STXBP5L: variants seen among roughly 807,000 people sequenced by gnomAD.
STXBP5L encodes the protein syntaxin binding protein 5L.
Under a neutral mutation model 144.5 loss-of-function variants are expected in STXBP5L, and 65 were observed. That is an observed-to-expected ratio of 0.45 (90% CI 0.37 to 0.55). STXBP5L has a LOEUF of 0.55. Among genes scored for constraint, STXBP5L ranks in the 20% least tolerant of loss-of-function variants. The probability of loss-of-function intolerance (pLI) is 0.00; values close to 1 mark genes in which losing one functional copy is unlikely to be tolerated. For missense variants in STXBP5L, 1,298 were observed against 1,405.5 expected (o/e 0.92, Z 1.22); for synonymous variants, 505 against 469.6 (o/e 1.08, Z -0.97).
intron 20 of STXBP5L, among the ~76,000 whole-genome samples, chr3:121,346,090 G>T (rs1311136358): frequency 6.6e-6 from 1 of 151,602 alleles, no homozygotes; most frequent in Non-Finnish European, 1.5e-5. Context: ...ATCTCCTAAT[G>T]CTATCCCTCT....
At chr3:121,327,989 C>G (rs1181655084) in intron 20 of STXBP5L, among the ~76,000 whole-genome samples, 1 of 152,124 alleles carries the variant, frequency 6.6e-6, no homozygotes, top group Non-Finnish European at 1.5e-5. Context: ...TGTGAGGATG[C>G]ACAATGTGAC....
At chr3:121,111,766 G>T (rs1299873442) in intron 5 of STXBP5L, among the ~76,000 whole-genome samples, 2 of 152,208 alleles carry the variant, frequency 1.3e-5, no homozygotes, top group Non-Finnish European at 2.9e-5. Flanking sequence ...GGGGTGCACT[G>T]TGGTGGGAGG....
chr3:121,103,907 A>T (rs555251267), intron 5 of STXBP5L, among the ~76,000 whole-genome samples: 2 of 152,198 alleles, frequency 1.3e-5, no homozygotes, highest in Non-Finnish European at 2.9e-5. Flanking sequence ...ATGTTTGGGT[A>T]TTTACTGCAG....
chr3:121,179,209 C>T (rs2047046981), intron 9 of STXBP5L, among the ~76,000 whole-genome samples: 1 of 151,956 alleles, frequency 6.6e-6, no homozygotes, highest in Admixed American at 6.6e-5. Context: ...GAGATCCCTG[C>T]CATTCCAATT....
chr3:121,171,029 G>A (rs966430178), intron 9 of STXBP5L, among the ~76,000 whole-genome samples: 20 of 152,132 alleles, frequency 1.3e-4, no homozygotes, highest in African/African-American at 4.3e-4. Context: ...AAGCAAGGCT[G>A]GTTCAACATA....
At chr3:121,216,335 T>C (rs542651648) in intron 10 of STXBP5L, among the ~76,000 whole-genome samples, 1 of 152,352 alleles carries the variant, frequency 6.6e-6, no homozygotes, top group South Asian at 2.1e-4. Context: ...TTATTTACCT[T>C]TGGTCTTGGT....
intron 3 of STXBP5L, among the ~76,000 whole-genome samples, chr3:121,001,072 T>G (rs907000175): frequency 6.6e-6 from 1 of 152,176 alleles, no homozygotes; most frequent in Non-Finnish European, 1.5e-5. Flanking sequence ...CAAAAGCCCT[T>G]TGTCAAGGTG....
chr3:121,004,027 A>G (rs900008537), intron 3 of STXBP5L, among the ~76,000 whole-genome samples: 2 of 152,058 alleles, frequency 1.3e-5, no homozygotes, highest in African/African-American at 2.4e-5. Flanking sequence ...TGACTTGGCA[A>G]TGCAGGCTCT....
intron 5 of STXBP5L, among the ~76,000 whole-genome samples, chr3:121,104,036 C>T (rs1257315054): frequency 1.3e-5 from 2 of 152,116 alleles, no homozygotes; most frequent in Non-Finnish European, 2.9e-5. Context: ...GTGTCTGTAG[C>T]ATCTACATGC....
chr3:121,186,779 A>C (rs941558210), intron 9 of STXBP5L, among the ~76,000 whole-genome samples: 8 of 152,178 alleles, frequency 5.3e-5, no homozygotes, highest in Non-Finnish European at 8.8e-5. Flanking sequence ...TTCTCAAAAG[A>C]AGACATTTAT....
At chr3:121,006,265 G>T (rs983349269) in intron 3 of STXBP5L, among the ~76,000 whole-genome samples, 1 of 152,186 alleles carries the variant, frequency 6.6e-6, no homozygotes, top group Non-Finnish European at 1.5e-5. Flanking sequence ...ATTTAGGATA[G>T]TTAGCTCTTC....
chr3:121,086,372 A>G (rs1258038129), intron 5 of STXBP5L, among the ~76,000 whole-genome samples: 2 of 152,136 alleles, frequency 1.3e-5, no homozygotes, highest in African/African-American at 4.8e-5. Context: ...GACTACATAT[A>G]AAAGAGGATA....
At chr3:121,096,820 G>C (rs966545102) in intron 5 of STXBP5L, among the ~76,000 whole-genome samples, 1 of 152,180 alleles carries the variant, frequency 6.6e-6, no homozygotes, top group Non-Finnish European at 1.5e-5. Context: ...GAGGTATGGA[G>C]GTCAGGGATC....
At chr3:121,346,065 T>C (rs2044955790) in intron 20 of STXBP5L, among the ~76,000 whole-genome samples, 2 of 151,872 alleles carry the variant, frequency 1.3e-5, no homozygotes, top group African/African-American at 2.4e-5. Flanking sequence ...TAACTCATCA[T>C]TTAGCATTAG....
chr3:121,313,397 C>CG (rs1189122168), intron 19 of STXBP5L, among the ~76,000 whole-genome samples: 104 of 123,404 alleles, frequency 8.4e-4, no homozygotes, highest in Non-Finnish European at 1.2e-3. Context: ...GGGGGCTGAC[C>CG]CCCCACCTCC....
At chr3:121,034,771 T>C (rs1384900771) in intron 3 of STXBP5L, among the ~76,000 whole-genome samples, 2 of 152,168 alleles carry the variant, frequency 1.3e-5, no homozygotes, top group Non-Finnish European at 2.9e-5. Flanking sequence ...ATAGTAGTTA[T>C]ATTTTTAGTT....
chr3:121,060,532 G>A (rs1416492912), intron 5 of STXBP5L, among the ~76,000 whole-genome samples: 1 of 152,160 alleles, frequency 6.6e-6, no homozygotes, highest in Non-Finnish European at 1.5e-5. Flanking sequence ...GTTTGGAATA[G>A]TTTCAGAAGG....
intron 3 of STXBP5L, among the ~76,000 whole-genome samples, chr3:121,037,644 G>C (rs1946855409): frequency 6.6e-6 from 1 of 152,082 alleles, no homozygotes. Flanking sequence ...AGTTTGTCAT[G>C]ATTTGGTATT....
At chr3:121,299,538 G>A (rs761514642) in intron 19 of STXBP5L, among the ~76,000 whole-genome samples, 6 of 151,954 alleles carry the variant, frequency 3.9e-5, no homozygotes, top group East Asian at 1.9e-4. Context: ...TTGAATACAC[G>A]TCACTAGAAA....
Sources: gnomAD v4.1 joint callset for allele counts (sites outside exome capture counted in the v4.1 genomes callset) on GRCh38, gnomAD v4.1.1 for gene constraint, MANE v1.5 for transcripts, NCBI Gene and HGNC (gene_info 2026-07-23, HGNC 2026-07-21) for gene names.